The following SUN3 variants were observed in gnomAD, a reference collection of about 807,000 sequenced individuals.
The protein encoded by SUN3 is SUN domain-containing protein 3.
A neutral mutation model predicts 48.2 loss-of-function variants in SUN3; 36 were observed. That is an observed-to-expected ratio of 0.75 (90% CI 0.57 to 0.99). The LOEUF (loss-of-function observed/expected upper bound fraction) is 0.99, where lower values mean the gene tolerates loss of function less well. Ranked by LOEUF, SUN3 falls within the 50% of genes least tolerant of loss-of-function variation. The pLI is 0.00. For synonymous variants in SUN3, 148 were observed against 147.9 expected, an observed-to-expected ratio of 1.00 and a Z score of 0.00; for missense variants, 419 against 433.1, an observed-to-expected ratio of 0.97 and a Z score of 0.29.
chr7:47,994,624 G>T, intron 7 of SUN3, 142 bp from the exon 8 acceptor site: 1 of 775,912 alleles, frequency 1.3e-6, no homozygotes, highest in South Asian at 2.2e-5. Context: ...TAGTGTGGTT[G>T]TTCTTCCAGA....
chr7:48,003,045 T>A (rs909601695), intron 6 of SUN3, among the ~76,000 whole-genome samples: 10 of 151,998 alleles, frequency 6.6e-5, no homozygotes, highest in Admixed American at 4.6e-4. Context: ...TTTTTTGTAG[T>A]TTTGGCTTTT....
chr7:48,019,107 T>C (rs1446281878), intron 2 of SUN3, among the ~76,000 whole-genome samples: 2 of 152,104 alleles, frequency 1.3e-5, no homozygotes, highest in Non-Finnish European at 2.9e-5. Flanking sequence ...AACTTAAAGA[T>C]AGAGCTATGA....
At chr7:48,005,423 C>G (rs1789496948) in intron 6 of SUN3, among the ~76,000 whole-genome samples, 1 of 152,154 alleles carries the variant, frequency 6.6e-6, no homozygotes, top group Non-Finnish European at 1.5e-5. Flanking sequence ...TTTTATATTT[C>G]CATTCTCCTT....
At chr7:48,009,852 C>T (rs1266699612) in intron 3 of SUN3, among the ~76,000 whole-genome samples, 2 of 152,110 alleles carry the variant, frequency 1.3e-5, no homozygotes, top group Non-Finnish European at 2.9e-5. Flanking sequence ...TACTGTGCTG[C>T]CTGTTCCTCA....
At chr7:47,989,675 T>C (rs1037432246) in intron 8 of SUN3, among the ~76,000 whole-genome samples, 1 of 152,188 alleles carries the variant, frequency 6.6e-6, no homozygotes, top group Non-Finnish European at 1.5e-5. Flanking sequence ...CAATTATATA[T>C]GTATGTGGGG....
At chr7:48,002,621 G>A (rs939397800) in intron 6 of SUN3, among the ~76,000 whole-genome samples, 1 of 152,080 alleles carries the variant, frequency 6.6e-6, no homozygotes, top group Non-Finnish European at 1.5e-5. Context: ...TATAAATGCT[G>A]GATATTAGAC....
chr7:48,035,396 C>A, the SUN3 span: 1 of 621,816 alleles, frequency 1.6e-6, no homozygotes, highest in African/African-American at 1.9e-5. The surrounding 1 kb of genome is among the most constrained non-coding windows in gnomAD (Gnocchi z 4.0). Flanking sequence ...GCGGCGCCCG[C>A]GCTCCGCTTC....
chr7:48,001,370 G>C (rs563303541), intron 6 of SUN3, among the ~76,000 whole-genome samples: 1 of 152,162 alleles, frequency 6.6e-6, no homozygotes, highest in Admixed American at 6.5e-5. Context: ...AGTTTGCTAA[G>C]GATAATGGCC....
chr7:48,008,207 G>A (rs1789588312), intron 4 of SUN3, among the ~76,000 whole-genome samples: 1 of 152,158 alleles, frequency 6.6e-6, no homozygotes, highest in Admixed American at 6.5e-5. Context: ...ATTTCTTTAT[G>A]CTGAAAAAGT....
At chr7:47,993,633 C>T (rs4618593) in intron 8 of SUN3, among the ~76,000 whole-genome samples, 65,053 of 151,912 alleles carry the variant, frequency 0.43, 14,131 homozygotes, top group Middle Eastern at 0.53. Context: ...ACAAAGTAGA[C>T]CAGTGGTTGC....
rs1281730578 is a variant in SUN3 at position 48,002,185 on chromosome 7, A to C, written c.577+3784T>G. 4.1e-4 allele frequency among the ~76,000 whole-genome samples: 36 copies of C among 87,340 alleles called. 1 individual carries two copies. The highest frequency in any genetic ancestry group is 4.8e-4 in the Non-Finnish European group (27 of 56,380). The allele number at this position is 87,340 out of a possible 152,430, so 57.3% of individuals were successfully genotyped here. On this transcript the variant is annotated intron_variant, in intron 6 of 9. Coordinates refer to ENST00000297325, the MANE Select transcript of SUN3 (RefSeq NM_001030019.2). ...TTTTTTTTTTTTTTTTTTGAGACGG[A>C]GTCTCGCTCTGTCGCCCAGGCTGGA... is the stretch of plus-strand genomic sequence containing the variant.
In SUN3 at chr7:47,988,781, A is replaced by G; in HGVS notation, c.954+7T>C. The G allele has an allele frequency of 6.4e-7, 1 of 1,574,762 alleles. No homozygotes were observed. The highest frequency in any genetic ancestry group is 8.7e-7 in the Non-Finnish European group (1 of 1,149,564). ...CTACTCATATCATTTCCCAGAGCATACATTACCTGGAGTTCAAATGTTTGA... is the reference window on the plus strand; with the variant it reads ...CTACTCATATCATTTCCCAGAGCATGCATTACCTGGAGTTCAAATGTTTGA... On this transcript the variant is annotated splice_region_variant and intron_variant, in intron 9 of 9. Transcript: ENST00000297325.
intron 8 of SUN3, chr7:47,989,113 G>A (rs1788980185): frequency 1.1e-5 from 4 of 367,014 alleles, no homozygotes; most frequent in Admixed American, 4.3e-5. Context: ...CAGACAGATA[G>A]ATAGATAGAT....
upstream of SUN3, among the ~76,000 whole-genome samples, chr7:48,033,039 A>G (rs1790273855): frequency 6.6e-6 from 1 of 152,262 alleles, no homozygotes; most frequent in Non-Finnish European, 1.5e-5. Flanking sequence ...TGAAAAAATT[A>G]GGCATAAAGT....
chr7:48,029,132 G>T, upstream of SUN3: 1 of 744,192 alleles, frequency 1.3e-6, no homozygotes, highest in Non-Finnish European at 2.1e-6. Context: ...ATCATCCTCC[G>T]TGACACCTCA....
At chr7:48,014,332 T>C (rs924807381) in intron 3 of SUN3, among the ~76,000 whole-genome samples, 1 of 152,204 alleles carries the variant, frequency 6.6e-6, no homozygotes, top group African/African-American at 2.4e-5. Flanking sequence ...AAAAATGTGA[T>C]TAGTCTCAGA....
At chr7:48,033,222 G>T (rs573800360), upstream of SUN3, among the ~76,000 whole-genome samples, 2 of 152,240 alleles carry the variant, frequency 1.3e-5, no homozygotes, top group East Asian at 3.9e-4. Flanking sequence ...CTACATTCTT[G>T]TCTGATCTGG....
chr7:47,989,042 G>C, intron 8 of SUN3, 162 bp from the exon 9 acceptor site: 1 of 473,612 alleles, frequency 2.1e-6, no homozygotes, highest in East Asian at 3.2e-5. Context: ...TTAACAAGGG[G>C]TCAATGAGGC....
chr7:48,027,589 T>G (rs1348518567), intron 1 of SUN3, among the ~76,000 whole-genome samples: 3 of 152,246 alleles, frequency 2.0e-5, no homozygotes, highest in Non-Finnish European at 4.4e-5. Flanking sequence ...TAAAAATTTC[T>G]ACTTAAAACA....
Sources: allele counts gnomAD v4.1 joint callset (sites outside exome capture counted in the v4.1 genomes callset), GRCh38; gene constraint gnomAD v4.1.1; non-coding constraint Gnocchi (gnomAD v3.1); transcripts MANE v1.5; gene names NCBI Gene and HGNC (gene_info 2026-07-23, HGNC 2026-07-21).